Variants in LRRN2 observed in about 807,000 individuals in gnomAD.
The protein encoded by LRRN2 is leucine-rich repeat neuronal protein 2.
A neutral mutation model predicts 35.7 loss-of-function variants in LRRN2; 10 were observed. That is an observed-to-expected ratio of 0.28 (90% CI 0.17 to 0.47). The LOEUF (loss-of-function observed/expected upper bound fraction) is 0.47. Ranked by LOEUF, LRRN2 falls within the 20% of genes least tolerant of loss-of-function variation. LRRN2 has a pLI of 0.99. For synonymous variants in LRRN2, 391 were observed against 409.6 expected (o/e 0.95, Z 0.55); for missense variants, 731 against 940.3 (o/e 0.78, Z 2.91).
Position 204,618,702 on chromosome 1 carries a change from G to A in LRRN2, c.1291C>T (p.Pro431Ser), listed in dbSNP as rs376548384. The change falls in exon 2 of 2, where the codon CCA becomes TCA. Residue 431 changes from proline (P) to serine (S), a missense_variant. This residue lies in a region of LRRN2 where 256 missense variants were observed against 392.4 expected (regional missense o/e 0.65). Coordinates refer to ENST00000367177, the MANE Select transcript of LRRN2 (RefSeq NM_201630.2). ...TCTCCACTGGCTACCTGGAGGCTTG[G>A]GGGGAAGCTTCGTGGGGAGATGAGG... The part of the protein sequence containing the change: ...LPLISPRSFP[P>S]SLQVASGESM... 1.0e-5 allele frequency: 16 copies of A among 1,600,050 alleles called. No homozygotes were observed. The East Asian group carries it at 1.1e-4, about 11-fold the overall frequency.
intron 1 of LRRN2, among the ~76,000 whole-genome samples, chr1:204,645,536 G>A (rs560844131): frequency 1.7e-4 from 26 of 152,254 alleles, no homozygotes; most frequent in African/African-American, 5.8e-4. Flanking sequence ...GATTGCATGC[G>A]GAATCATCAT....
chr1:204,666,507 T>G (rs919019891), intron 1 of LRRN2, among the ~76,000 whole-genome samples: 1 of 152,242 alleles, frequency 6.6e-6, no homozygotes, highest in Non-Finnish European at 1.5e-5. Context: ...GTTAGCTTTC[T>G]CACTTGCAAA....
At position 204,630,526 on chromosome 1, in the gene LRRN2, G is replaced by A. The variant is rs533584150; in HGVS notation, c.-226-10308C>T. On this transcript the variant is annotated intron_variant, in intron 1 of 1. Coordinates refer to ENST00000367177, the MANE Select transcript of LRRN2 (RefSeq NM_201630.2). ...CCAGATGAAGCTCTAGATAAGTCAC[G>A]CCGCGGAAGGAGTCCTGGTCTCGGG... is the stretch of plus-strand genomic sequence containing the variant. 1.1e-4 allele frequency among the ~76,000 whole-genome samples: 16 copies of A among 152,198 alleles called. No homozygotes were observed. The East Asian group carries it at 1.5e-3, about 15-fold the overall frequency.
intron 1 of LRRN2, among the ~76,000 whole-genome samples, chr1:204,652,504 C>T (rs1222660202): frequency 6.6e-6 from 1 of 151,954 alleles, no homozygotes; most frequent in African/African-American, 2.4e-5. Flanking sequence ...TGCTGTGGGT[C>T]TCAGTTTTCT....
At chr1:204,685,010 G>A (rs1185502263) in intron 1 of LRRN2, among the ~76,000 whole-genome samples, 2 of 152,172 alleles carry the variant, frequency 1.3e-5, no homozygotes, top group Non-Finnish European at 2.9e-5. Context: ...CCAGGCGAAG[G>A]CCCAGGCGCC....
intron 1 of LRRN2, among the ~76,000 whole-genome samples, chr1:204,667,172 A>C (rs539311292): frequency 1.2e-4 from 18 of 152,234 alleles, no homozygotes; most frequent in African/African-American, 4.3e-4. Context: ...TGGTGGATTT[A>C]CACAAAACCA....
chr1:204,664,603 G>A (rs941817691), intron 1 of LRRN2: 8 of 152,142 alleles, frequency 5.3e-5, no homozygotes, highest in Non-Finnish European at 8.8e-5. Context: ...TAAAAATAAC[G>A]ATATAAATGC....
At chr1:204,628,122 C>T (rs1558405380) in intron 1 of LRRN2, 1 of 152,304 alleles carries the variant, frequency 6.6e-6, no homozygotes, top group African/African-American at 2.4e-5. Context: ...ATCCCAGAGC[C>T]TGTCTTCCCT....
At chr1:204,672,867 C>T (rs947716481) in intron 1 of LRRN2, among the ~76,000 whole-genome samples, 2 of 152,232 alleles carry the variant, frequency 1.3e-5, no homozygotes, top group African/African-American at 4.8e-5. Context: ...CATCAATCAT[C>T]CGCTTCATCC....
chr1:204,652,276 C>CT (rs1668252493), intron 1 of LRRN2, among the ~76,000 whole-genome samples: 1 of 138,034 alleles, frequency 7.2e-6, no homozygotes, highest in Non-Finnish European at 1.6e-5. Flanking sequence ...CCCCCGCCCC[C>CT]CCGCCGCCTT....
chr1:204,622,502 G>A (rs1248002042), intron 1 of LRRN2, among the ~76,000 whole-genome samples: 1 of 152,254 alleles, frequency 6.6e-6, no homozygotes, highest in Admixed American at 6.5e-5. Flanking sequence ...TGATAGGGGT[G>A]TGTGTGCACC....
chr1:204,638,869 C>G (rs1394857529), intron 1 of LRRN2, among the ~76,000 whole-genome samples: 1 of 152,224 alleles, frequency 6.6e-6, no homozygotes, highest in Non-Finnish European at 1.5e-5. Context: ...AGCTGTTCAT[C>G]TGCCTGGCTA....
Position 204,617,769 on chromosome 1 carries a change from G to T in LRRN2, c.*82C>A. The stretch of plus-strand genomic sequence containing the variant: ...CACGTGGGTCCATGTCCCTTTCCTG[G>T]CAGGGCATCTGGCCCAGACTGCTTC... On this transcript the variant is annotated 3_prime_UTR_variant, in exon 2 of 2. Coordinates refer to ENST00000367177, the MANE Select transcript of LRRN2 (RefSeq NM_201630.2). The T allele has an allele frequency of 2.0e-6, 3 of 1,480,484 alleles. No individual in the cohort carries two copies. Among genetic ancestry groups the T allele is most frequent in the Non-Finnish European group, 2.8e-6 (3 of 1,068,062 alleles). 91.7% of individuals were successfully genotyped at this position (1,480,484 alleles called of 1,614,324 possible).
intron 1 of LRRN2, among the ~76,000 whole-genome samples, chr1:204,679,199 A>ATCT (rs1668886335): frequency 6.6e-6 from 1 of 152,114 alleles, no homozygotes. Flanking sequence ...AAGGCAGGGG[A>ATCT]AGAGGAGTGG....
At position 204,618,746 on chromosome 1, in the gene LRRN2, A is replaced by G. The variant is rs368481767; in HGVS notation, c.1247T>C (p.Met416Thr). The G allele has an allele frequency of 6.2e-7, 1 of 1,610,832 alleles. No individual in the cohort carries two copies. The highest frequency in any genetic ancestry group is 8.5e-7 in the Non-Finnish European group (1 of 1,177,908). The part of the protein sequence containing the change: ...LPVREVPFRE[M>T]TDHCLPLISP... The stretch of plus-strand genomic sequence containing the variant: ...GATGAGGGGCAAACAGTGGTCCGTC[A>G]TCTCCCGGAAGGGCACCTCACGGAC... Residue 416 changes from methionine (M) to threonine (T), a missense_variant, in exon 2 of 2, where the codon ATG (methionine) becomes ACG (threonine). Met to Thr is a moderately conservative substitution (Grantham distance 81). Around this residue, in one of 3 missense-constraint regions of LRRN2, gnomAD observed 256 missense variants for 392.4 expected, o/e 0.65. Transcript: ENST00000367177.
intron 1 of LRRN2, among the ~76,000 whole-genome samples, chr1:204,623,217 C>T (rs1667049357): frequency 6.6e-6 from 1 of 152,194 alleles, no homozygotes; most frequent in Non-Finnish European, 1.5e-5. Context: ...GACCTTTAGA[C>T]CCTACCCGAG....
intron 1 of LRRN2, among the ~76,000 whole-genome samples, chr1:204,644,562 C>T (rs995886260): frequency 1.3e-5 from 2 of 152,166 alleles, no homozygotes; most frequent in South Asian, 2.1e-4. Flanking sequence ...TATTAGGGAG[C>T]TCATAATTAT....
At chr1:204,672,600 G>A (rs756493736) in intron 1 of LRRN2, among the ~76,000 whole-genome samples, 3 of 152,200 alleles carry the variant, frequency 2.0e-5, no homozygotes, top group Non-Finnish European at 4.4e-5. Context: ...CTGCATGGAG[G>A]CTGATAGAAG....
At chr1:204,667,386 A>T (rs1178254151) in intron 1 of LRRN2, among the ~76,000 whole-genome samples, 1 of 152,178 alleles carries the variant, frequency 6.6e-6, no homozygotes, top group African/African-American at 2.4e-5. Context: ...AAAGGTTAAA[A>T]AACAACAATT....
Sources: gnomAD v4.1 joint callset for allele counts (sites outside exome capture counted in the v4.1 genomes callset) on GRCh38, gnomAD v4.1.1 for gene constraint, gnomAD v4.1.1 regional missense constraint, MANE v1.5 for transcripts, NCBI Gene and HGNC (gene_info 2026-07-23, HGNC 2026-07-21) for gene names.